The following GRM5 variants were observed in gnomAD, a reference collection of about 807,000 sequenced individuals.
The protein encoded by GRM5 is glutamate metabotropic receptor 5, also known as metabotropic glutamate receptor 5.
Under a neutral mutation model 83.1 loss-of-function variants are expected in GRM5, and 19 were observed. That is an observed-to-expected ratio of 0.23 (90% CI 0.16 to 0.34). The LOEUF (loss-of-function observed/expected upper bound fraction) is 0.34, where lower values mean the gene tolerates loss of function less well. Among genes scored for constraint, GRM5 ranks in the 10% least tolerant of loss-of-function variants. The pLI is 1.00. For synonymous variants in GRM5, 675 were observed against 633.6 expected (o/e 1.07, Z -0.98); for missense variants, 1,160 against 1,588.3 (o/e 0.73, Z 4.58).
rs1351577276 is a variant in GRM5, at chr11:88,663,125, A to G, written c.912-9722T>C. 4.6e-5 allele frequency among the ~76,000 whole-genome samples: 7 copies of G among 152,318 alleles called. No individual in the cohort carries two copies. In the East Asian group the frequency reaches 1.2e-3, roughly 25 times the overall value. On this transcript the variant is annotated intron_variant, in intron 3 of 9. Transcript: ENST00000305447. ...TCACTTGGAAGGCCAATGCCTGTTA[A>G]TATTTGAAGAGATAAAATCTTAGGC...
chr11:88,563,868 C>T (rs1942812446), intron 8 of GRM5, among the ~76,000 whole-genome samples: 1 of 152,132 alleles, frequency 6.6e-6, no homozygotes, highest in Non-Finnish European at 1.5e-5. Flanking sequence ...CCCTGCATAA[C>T]CAGCTATATC....
intron 3 of GRM5, among the ~76,000 whole-genome samples, chr11:88,819,064 T>TC (rs1943740685): frequency 6.6e-6 from 1 of 152,192 alleles, no homozygotes; most frequent in Non-Finnish European, 1.5e-5. Flanking sequence ...GAAGGACAAA[T>TC]TTCAAAAGCA....
At chr11:88,628,574 C>T (rs1052172698) in intron 4 of GRM5, among the ~76,000 whole-genome samples, 15 of 152,132 alleles carry the variant, frequency 9.9e-5, no homozygotes, top group African/African-American at 3.1e-4. Flanking sequence ...ATTGAATTGG[C>T]AGGGTCAGTG....
chr11:88,636,534 A>G (rs1028706621), intron 4 of GRM5, among the ~76,000 whole-genome samples: 1 of 151,628 alleles, frequency 6.6e-6, no homozygotes, highest in Non-Finnish European at 1.5e-5. Flanking sequence ...AAAAAAAAAA[A>G]GAGTTTCTGT....
At chr11:88,787,019 A>T (rs1187072785) in intron 3 of GRM5, among the ~76,000 whole-genome samples, 1 of 152,146 alleles carries the variant, frequency 6.6e-6, no homozygotes, top group African/African-American at 2.4e-5. Context: ...GGTGGAAAAG[A>T]CTGACAGTAT....
intron 2 of GRM5, among the ~76,000 whole-genome samples, chr11:88,987,634 T>A (rs1939774947): frequency 1.3e-5 from 2 of 152,046 alleles, no homozygotes; most frequent in African/African-American, 4.8e-5. Context: ...AAGAGAGCAG[T>A]GGTTCTCCCA....
intron 2 of GRM5, among the ~76,000 whole-genome samples, chr11:88,855,978 A>G (rs568287441): frequency 2.8e-4 from 43 of 152,156 alleles, no homozygotes; most frequent in African/African-American, 9.6e-4. Context: ...GCAGATGCTA[A>G]AAGAATGTGG....
At chr11:88,921,831 A>C (rs1250109934) in intron 2 of GRM5, among the ~76,000 whole-genome samples, 1 of 152,150 alleles carries the variant, frequency 6.6e-6, no homozygotes, top group Non-Finnish European at 1.5e-5. Flanking sequence ...TTTGTAGATG[A>C]TAACTTATAT....
chr11:88,780,023 C>G (rs79432530), intron 3 of GRM5, among the ~76,000 whole-genome samples: 1 of 152,098 alleles, frequency 6.6e-6, no homozygotes, highest in Non-Finnish European at 1.5e-5. Flanking sequence ...TCCCCATGCC[C>G]TCTTTGGCTA....
At chr11:88,953,224 C>A (rs1337947794) in intron 2 of GRM5, among the ~76,000 whole-genome samples, 1 of 152,168 alleles carries the variant, frequency 6.6e-6, no homozygotes, top group African/African-American at 2.4e-5. Flanking sequence ...GATCAAGACA[C>A]AATTATCAAC....
At chr11:88,638,087 T>C (rs1022288816) in intron 4 of GRM5, among the ~76,000 whole-genome samples, 4 of 142,760 alleles carry the variant, frequency 2.8e-5, no homozygotes, top group African/African-American at 1.0e-4. Flanking sequence ...TTCTCACTCT[T>C]AGGTGGGAAT....
chr11:88,616,338 T>A (rs1049694065), intron 4 of GRM5, among the ~76,000 whole-genome samples: 1 of 147,482 alleles, frequency 6.8e-6, no homozygotes, highest in Non-Finnish European at 1.5e-5. Flanking sequence ...GGAAGAGAAA[T>A]AGGATATGAG....
chr11:88,689,532 G>T (rs1199321355), intron 3 of GRM5, among the ~76,000 whole-genome samples: 1 of 152,176 alleles, frequency 6.6e-6, no homozygotes, highest in East Asian at 1.9e-4. Context: ...TTGGTGTGAA[G>T]AACTTGTATA....
chr11:89,027,082 ATTTTCTTTCTTTTTTC>A (rs1025820158), intron 2 of GRM5, among the ~76,000 whole-genome samples: 31 of 148,724 alleles, frequency 2.1e-4, no homozygotes, highest in African/African-American at 7.1e-4. Context: ...GCTGTACCAC[ATTTTCTTTCTTTTTTC>A]TTTTCTTTTT....
At chr11:88,888,781 T>C (rs367903684) in intron 2 of GRM5, among the ~76,000 whole-genome samples, 4 of 152,294 alleles carry the variant, frequency 2.6e-5, no homozygotes, top group South Asian at 4.1e-4. Flanking sequence ...TGGTGTGCTT[T>C]GTGTGTCTTT....
chr11:88,999,896 T>C (rs1940313679), intron 2 of GRM5, among the ~76,000 whole-genome samples: 1 of 152,204 alleles, frequency 6.6e-6, no homozygotes, highest in African/African-American at 2.4e-5. Context: ...CACCATGGAA[T>C]ACTATGCAGC....
chr11:88,831,240 A>G (rs536170047), intron 3 of GRM5, among the ~76,000 whole-genome samples: 2 of 152,328 alleles, frequency 1.3e-5, no homozygotes, highest in East Asian at 3.9e-4. Flanking sequence ...GTCAGATGCT[A>G]TGGCCAATGC....
intron 3 of GRM5, among the ~76,000 whole-genome samples, chr11:88,829,750 CAAG>C (rs1241941744): frequency 6.6e-6 from 1 of 151,902 alleles, no homozygotes; most frequent in Non-Finnish European, 1.5e-5. Flanking sequence ...AGATACAAAA[CAAG>C]AAAACAAAAC....
chr11:88,562,727 C>T (rs1310813324), intron 8 of GRM5, among the ~76,000 whole-genome samples: 1 of 151,962 alleles, frequency 6.6e-6, no homozygotes, highest in African/African-American at 2.4e-5. Flanking sequence ...ATTTTAGGCA[C>T]TATGCACTGG....
Sources: allele counts gnomAD v4.1 joint callset (sites outside exome capture counted in the v4.1 genomes callset), GRCh38; gene constraint gnomAD v4.1.1; transcripts MANE v1.5; gene names NCBI Gene and HGNC (gene_info 2026-07-23, HGNC 2026-07-21).